The following GREB1L variants were observed in gnomAD, a reference collection of about 807,000 sequenced individuals.
The protein encoded by GREB1L is GREB1 like retinoic acid receptor coactivator.
Under a neutral mutation model 200.8 loss-of-function variants are expected in GREB1L, and 17 were observed. The observed-to-expected ratio is 0.08, with a 90% CI of 0.06 to 0.13. The LOEUF (loss-of-function observed/expected upper bound fraction) is 0.13. Among genes scored for constraint, GREB1L ranks in the 10% least tolerant of loss-of-function variants. The probability of loss-of-function intolerance (pLI) is 1.00; values close to 1 mark genes in which losing one functional copy is unlikely to be tolerated. For missense variants in GREB1L, 1,657 were observed against 2,367.7 expected (o/e 0.70, Z 6.23); for synonymous variants, 789 against 893.0 (o/e 0.88, Z 2.08).
At chr18:21,329,793 A>G (rs1408314048) in intron 1 of GREB1L, among the ~76,000 whole-genome samples, 4 of 152,024 alleles carry the variant, frequency 2.6e-5, no homozygotes, top group Admixed American at 2.6e-4. Flanking sequence ...CTGAGGGAAC[A>G]CTTTAGAGTT....
intron 17 of GREB1L, among the ~76,000 whole-genome samples, chr18:21,481,723 A>G (rs2035931102): frequency 6.6e-6 from 1 of 152,050 alleles, no homozygotes; most frequent in South Asian, 2.1e-4. Flanking sequence ...TGGAGCTTAT[A>G]TAAATGGAAA....
At chr18:21,361,747 T>A (rs2039583773) in intron 1 of GREB1L, among the ~76,000 whole-genome samples, 1 of 152,124 alleles carries the variant, frequency 6.6e-6, no homozygotes, top group African/African-American at 2.4e-5. Flanking sequence ...TTGTTTTTGA[T>A]CAGTCAGACA....
At chr18:21,455,404 G>A (rs1409051134) in intron 15 of GREB1L, among the ~76,000 whole-genome samples, 3 of 152,056 alleles carry the variant, frequency 2.0e-5, no homozygotes, top group Non-Finnish European at 4.4e-5. Flanking sequence ...ACTTTCGGCC[G>A]GGGGCGGTGG....
At chr18:21,341,831 T>G (rs1405548352) in intron 1 of GREB1L, among the ~76,000 whole-genome samples, 1 of 152,170 alleles carries the variant, frequency 6.6e-6, no homozygotes, top group East Asian at 1.9e-4. Context: ...GTATTAGGTG[T>G]AAGGTCTTTC....
At chr18:21,428,164 T>A (rs1436918324) in intron 7 of GREB1L, among the ~76,000 whole-genome samples, 1 of 119,332 alleles carries the variant, frequency 8.4e-6, no homozygotes, top group Admixed American at 1.2e-4. Flanking sequence ...CAGTCCGCAG[T>A]CCGGCCTGGG....
intron 19 of GREB1L, among the ~76,000 whole-genome samples, chr18:21,494,878 ATTAC>A (rs1158082862): frequency 1.3e-5 from 2 of 152,134 alleles, no homozygotes; most frequent in African/African-American, 4.8e-5. Flanking sequence ...AATTGGCGGG[ATTAC>A]TTTTCATTGA....
intron 1 of GREB1L, among the ~76,000 whole-genome samples, chr18:21,249,281 C>A (rs892062740): frequency 3.9e-5 from 6 of 152,130 alleles, no homozygotes; most frequent in African/African-American, 1.4e-4. Flanking sequence ...TTGACTTTCA[C>A]TAAAACATGA....
At chr18:21,362,670 C>G (rs1240783403) in intron 1 of GREB1L, among the ~76,000 whole-genome samples, 4 of 152,166 alleles carry the variant, frequency 2.6e-5, no homozygotes, top group Non-Finnish European at 5.9e-5. Flanking sequence ...TTGGCATTGA[C>G]CACATGATGT....
chr18:21,440,462 C>T, intron 9 of GREB1L, 74 bp downstream of exon 9: 1 of 1,397,432 alleles, frequency 7.2e-7, no homozygotes, highest in South Asian at 1.3e-5. Flanking sequence ...CCATTCTTTC[C>T]CTGAATTCTT....
At chr18:21,404,142 C>A in intron 7 of GREB1L, 148 bp downstream of exon 7, 1 of 739,586 alleles carries the variant, frequency 1.4e-6, no homozygotes, top group Non-Finnish European at 2.1e-6. Flanking sequence ...AGAATTCAGC[C>A]TTGAGATGGG....
chr18:21,499,762 G>A lies in GREB1L; in HGVS notation c.3425G>A (p.Ser1142Asn), dbSNP rs2036697599. 6.4e-7 allele frequency: 1 copy of A among 1,551,952 alleles called. No individual in the cohort carries two copies. Among genetic ancestry groups the A allele is most frequent in the African/African-American group, 1.4e-5 (1 of 73,062 alleles). ...SIMENGVSSS[S>N]TADKSQKQSL... ...ATGGAGAATGGAGTGAGCTCTTCCA[G>A]CACAGCTGACAAGTCCCAGAAGCAG... The change falls in exon 22 of 33, where the codon AGC becomes AAC. Residue 1142 changes from serine (S) to asparagine (N), a missense_variant. Ser to Asn is a conservative substitution (Grantham distance 46). Coordinates refer to ENST00000424526, the MANE Select transcript of GREB1L (RefSeq NM_001142966.3).
chr18:21,436,669 G>GGT (rs71178172), intron 7 of GREB1L, among the ~76,000 whole-genome samples: 20,047 of 132,318 alleles, frequency 0.15, 1,582 homozygotes, highest in African/African-American at 0.22. Flanking sequence ...AAAGTTCAGT[G>GGT]GTGTGTGTGT....
At chr18:21,326,295 G>T (rs572796188) in intron 1 of GREB1L, among the ~76,000 whole-genome samples, 1 of 152,134 alleles carries the variant, frequency 6.6e-6, no homozygotes, top group Non-Finnish European at 1.5e-5. Flanking sequence ...AAAAGGAGTT[G>T]ATTTTGTTAG....
rs34711292 is a variant in GREB1L at position 21,481,439 on chromosome 18, A to ATGTGTG, written c.2556+4117_2556+4122dup. 2.1e-3 allele frequency among the ~76,000 whole-genome samples: 272 copies of ATGTGTG among 127,524 alleles called. 2 individuals carry two copies. The highest frequency in any genetic ancestry group is 0.012 in the South Asian group (43 of 3,544). 83.7% of individuals were successfully genotyped at this position (127,524 alleles called of 152,430 possible). On this transcript the variant is annotated intron_variant, in intron 17 of 32. Transcript: ENST00000424526. Reference sequence around the variant, plus strand: ...GATTTTTGAGCAACAGTATATATGTATGTGTGTGTGTGTGTGTGTGTGTGT... The same window carrying ATGTGTG: ...GATTTTTGAGCAACAGTATATATGTATGTGTGTGTGTGTGTGTGTGTGTGTGTGTGT...
Position 21,383,548 on chromosome 18 carries a change from A to C in GREB1L, c.30A>C (p.Lys10Asn). The stretch of plus-strand genomic sequence containing the variant: ...GGAATTCATATGCTGGGCAACTGAA[A>C]TCTGCTCGATTTGAGGAAGCTCTCC... The part of the protein sequence containing the change: MGNSYAGQL[K>N]SARFEEALHN... Residue 10 changes from lysine (K) to asparagine (N), a missense_variant, in exon 3 of 33, where the codon AAA becomes AAC. Physicochemically the swap from Lys to Asn is moderately conservative, Grantham distance 94. Transcript: ENST00000424526. 2 of 1,546,174 alleles carry C rather than the reference A, an allele frequency of 1.3e-6. No individual in the cohort carries two copies. Among genetic ancestry groups the C allele is most frequent in the Non-Finnish European group, 1.7e-6 (2 of 1,145,386 alleles).
At chr18:21,488,715 G>A (rs549288079) in intron 18 of GREB1L, among the ~76,000 whole-genome samples, 1 of 152,092 alleles carries the variant, frequency 6.6e-6, no homozygotes, top group Non-Finnish European at 1.5e-5. Flanking sequence ...GGAGTGCAAT[G>A]GCATGATCTC....
intron 14 of GREB1L, 69 bp from the exon 15 acceptor site, chr18:21,454,297 A>G (rs1401116400): frequency 9.9e-6 from 10 of 1,007,384 alleles, no homozygotes; most frequent in South Asian, 9.0e-5. Context: ...ATGTGTCCTC[A>G]TAGAGATTCA....
At chr18:21,365,155 GA>G (rs1168430233) in intron 1 of GREB1L, among the ~76,000 whole-genome samples, 8 of 151,588 alleles carry the variant, frequency 5.3e-5, no homozygotes, top group East Asian at 1.9e-4. Context: ...AAAGTAAAAT[GA>G]AAAAAACCAT....
At chr18:21,484,632 C>T (rs1386619423) in intron 17 of GREB1L, among the ~76,000 whole-genome samples, 1 of 152,094 alleles carries the variant, frequency 6.6e-6, no homozygotes, top group South Asian at 2.1e-4. Context: ...GCCTGGCCAA[C>T]GTGGCGAAAC....
Sources: allele counts gnomAD v4.1 joint callset (sites outside exome capture counted in the v4.1 genomes callset), GRCh38; gene constraint gnomAD v4.1.1; transcripts MANE v1.5; gene names NCBI Gene and HGNC (gene_info 2026-07-23, HGNC 2026-07-21).